SVIL: variants seen among roughly 807,000 people sequenced by gnomAD.
SVIL encodes supervillin.
In SVIL, 101 loss-of-function variants were observed where a neutral mutation model predicts 240.4. The ratio of observed to expected loss-of-function variants is 0.42; its 90% CI spans 0.36 to 0.50. SVIL has a LOEUF of 0.50. Ranked by LOEUF, SVIL falls within the 20% of genes least tolerant of loss-of-function variation. SVIL has a pLI of 0.01. For missense variants in SVIL, 2,512 were observed against 2,818.7 expected (o/e 0.89, Z 2.46); for synonymous variants, 999 against 1,100.0 (o/e 0.91, Z 1.82).
chr10:29,579,238 C>T (rs1363733169), intron 1 of SVIL, among the ~76,000 whole-genome samples: 1 of 151,980 alleles, frequency 6.6e-6, no homozygotes, highest in Non-Finnish European at 1.5e-5. Flanking sequence ...GAGATCGAGA[C>T]TATCCTGGCT....
chr10:29,716,886 A>G (rs868818316), intron 1 of SVIL, among the ~76,000 whole-genome samples: 16 of 152,208 alleles, frequency 1.1e-4, no homozygotes, highest in Admixed American at 4.6e-4. Context: ...ACAATGCAGG[A>G]TTTTCTTTAC....
chr10:29,565,421 G>C (rs372409930), intron 2 of SVIL, among the ~76,000 whole-genome samples: 2 of 152,136 alleles, frequency 1.3e-5, no homozygotes, highest in Non-Finnish European at 2.9e-5. Context: ...AAAACCAAAG[G>C]TCTAAGAGGA....
chr10:29,611,894 C>T (rs557677373), intron 1 of SVIL, among the ~76,000 whole-genome samples: 7 of 152,210 alleles, frequency 4.6e-5, no homozygotes, highest in South Asian at 4.1e-4. Flanking sequence ...AATGGGGCCA[C>T]GCCAGAACCA....
intron 1 of SVIL, among the ~76,000 whole-genome samples, chr10:29,585,250 CAG>C (rs1474396682): frequency 6.6e-6 from 1 of 152,032 alleles, no homozygotes; most frequent in African/African-American, 2.4e-5. Context: ...TTTGTAGAGA[CAG>C]AGTTTTGCCA....
chr10:29,675,657 C>G (rs1344363930), intron 2 of SVIL, among the ~76,000 whole-genome samples: 1 of 152,178 alleles, frequency 6.6e-6, no homozygotes, highest in Non-Finnish European at 1.5e-5. Flanking sequence ...TCTTCACCCT[C>G]ATCTGTTCTA....
At chr10:29,498,178 G>A (rs2132428846) in intron 18 of SVIL, among the ~76,000 whole-genome samples, 1 of 151,966 alleles carries the variant, frequency 6.6e-6, no homozygotes, top group African/African-American at 2.4e-5. Context: ...AGCACTTTGG[G>A]AGGTCGAAGC....
intron 1 of SVIL, among the ~76,000 whole-genome samples, chr10:29,576,696 C>T (rs1955711430): frequency 6.6e-6 from 1 of 152,148 alleles, no homozygotes; most frequent in African/African-American, 2.4e-5. Context: ...AGGCATGTGC[C>T]AACATGCCTG....
chr10:29,639,620 C>A (rs1370899276), upstream of SVIL, among the ~76,000 whole-genome samples: 1 of 151,834 alleles, frequency 6.6e-6, no homozygotes, highest in Non-Finnish European at 1.5e-5. Flanking sequence ...AGGCAGATGC[C>A]ACCACATCTG....
intron 16 of SVIL, among the ~76,000 whole-genome samples, chr10:29,515,082 C>T (rs528743018): frequency 2.6e-5 from 4 of 152,140 alleles, no homozygotes; most frequent in African/African-American, 4.8e-5. Context: ...CCTTCTCCCC[C>T]CTTCATTTCT....
Position 29,735,144 on chromosome 10 carries a change from C to A in SVIL, c.-400+607G>T, listed in dbSNP as rs7098589. Among the ~76,000 whole-genome samples the A allele has an allele frequency of 0.15, 22,954 of 152,014 alleles. 1,820 individuals are homozygous for A. Among genetic ancestry groups the A allele is most frequent in the South Asian group, 0.23 (1,098 of 4,822 alleles). On this transcript the variant is annotated intron_variant, in intron 1 of 35. Coordinates refer to the SVIL transcript ENST00000375400. The surrounding 1 kb of genome is among the most constrained non-coding windows in gnomAD (Gnocchi z 4.1). Reference sequence around the variant, plus strand: ...CACCCGGGGACTAAACCACTCCCTTCGGGGAGCCCGCACGCGCGCAGAAAC... The same window carrying A: ...CACCCGGGGACTAAACCACTCCCTTAGGGGAGCCCGCACGCGCGCAGAAAC...
chr10:29,606,389 A>G (rs1166591901), intron 1 of SVIL, among the ~76,000 whole-genome samples: 1 of 152,216 alleles, frequency 6.6e-6, no homozygotes, highest in African/African-American at 2.4e-5. Flanking sequence ...CAAAGTAGAG[A>G]CAATGCTATA....
At chr10:29,731,715 G>C (rs1964632503) in intron 1 of SVIL, among the ~76,000 whole-genome samples, 1 of 152,166 alleles carries the variant, frequency 6.6e-6, no homozygotes, top group African/African-American at 2.4e-5. Flanking sequence ...TCCCCTGACA[G>C]ACTATATCTG....
At chr10:29,465,300 A>G (rs889463945) in intron 34 of SVIL, among the ~76,000 whole-genome samples, 38 of 152,174 alleles carry the variant, frequency 2.5e-4, no homozygotes, top group African/African-American at 8.0e-4. Context: ...AAGGCTGGGA[A>G]AAGAGCGGAG....
Position 29,550,695 on chromosome 10 carries a change from T to C in SVIL, c.729A>G (p.Pro243=). 1.2e-6 allele frequency: 2 copies of C among 1,614,056 alleles called. No homozygotes were observed. Among genetic ancestry groups the C allele is most frequent in the Non-Finnish European group, 1.7e-6 (2 of 1,180,006 alleles). The change falls in exon 6 of 38, where the codon CCA becomes CCG. Residue 243 remains proline (P), a synonymous_variant. Transcript: ENST00000355867. ...AGCTGTGGGCGTGCTTGGGGGACCGTGGCACTTCAGTGAAGGAGGAGTCTC... is the reference window on the plus strand; with the variant it reads ...AGCTGTGGGCGTGCTTGGGGGACCGCGGCACTTCAGTGAAGGAGGAGTCTC... The part of the protein sequence containing the change: ...SGRDSSFTEV[P]RSPKHAHSSS...
At position 29,498,892 on chromosome 10, in the gene SVIL, G is replaced by A. The variant is rs867600088; in HGVS notation, c.3664+224C>T. Among the ~76,000 whole-genome samples, 38 of 152,288 alleles carry A rather than the reference G, an allele frequency of 2.5e-4. 2 individuals carry two copies. In the Middle Eastern group the frequency reaches 0.027, roughly 109 times the overall value. On this transcript the variant is annotated intron_variant, in intron 18 of 37. Coordinates refer to ENST00000355867, the MANE Select transcript of SVIL (RefSeq NM_021738.3). ...GCTACTAGAGAGGCTGTGGTGGGAA[G>A]ATTGCTTCAGCCCATGAGTTCGAGG...
chr10:29,458,279 C>A lies in SVIL; in HGVS notation c.6613G>T (p.Val2205Leu). Residue 2205 changes from valine to leucine, a missense_variant, in exon 38 of 38, where the codon GTG (valine) becomes TTG (leucine). By Grantham distance (32) the Val-to-Leu change is conservative. Around this residue, in one of 3 missense-constraint regions of SVIL, gnomAD observed 797 missense variants for 925.3 expected, o/e 0.86. Transcript: ENST00000355867. ...AGGCCTTTTGCTTTCTTCAGGTTCA[C>A]CTGCTTCCAGGCGGGCAGGGCGTTG... is the stretch of plus-strand genomic sequence containing the variant. Reference protein sequence around the residue: ...EYNALPAWKQVNLKKAKGLF With the variant: ...EYNALPAWKQLNLKKAKGLF 6.2e-7 allele frequency: 1 copy of A among 1,614,244 alleles called. No homozygotes were observed. Among genetic ancestry groups the A allele is most frequent in the Non-Finnish European group, 8.5e-7 (1 of 1,180,048 alleles).
chr10:29,518,754 G>T (rs541513644), intron 16 of SVIL, among the ~76,000 whole-genome samples: 33 of 152,282 alleles, frequency 2.2e-4, no homozygotes, highest in Admixed American at 1.8e-3. Flanking sequence ...TACTCAGGAG[G>T]GTGAGGCAGG....
intron 1 of SVIL, among the ~76,000 whole-genome samples, chr10:29,692,317 A>G (rs75728411): frequency 0.015 from 2,312 of 152,306 alleles, 44 homozygotes; most frequent in East Asian, 0.095. Flanking sequence ...TGCTCAGCAG[A>G]AGGATGGAGA....
chr10:29,478,145 GCC>G (rs142472494), intron 29 of SVIL, among the ~76,000 whole-genome samples: 30 of 152,088 alleles, frequency 2.0e-4, no homozygotes, highest in Non-Finnish European at 4.4e-4. Flanking sequence ...AGATCTGCCT[GCC>G]CCGAAACACA....
Sources: allele counts gnomAD v4.1 joint callset (sites outside exome capture counted in the v4.1 genomes callset), GRCh38; gene constraint gnomAD v4.1.1; regional missense constraint gnomAD v4.1.1; non-coding constraint Gnocchi (gnomAD v3.1); transcripts MANE v1.5; gene names NCBI Gene and HGNC (gene_info 2026-07-23, HGNC 2026-07-21).